The following ELAPOR2 variants were observed in gnomAD, a reference collection of about 807,000 sequenced individuals.
ELAPOR2 encodes endosome-lysosome associated apoptosis and autophagy regulator family member 2, also known as endosome/lysosome-associated apoptosis and autophagy regulator family member 2.
Under a neutral mutation model 120.7 loss-of-function variants are expected in ELAPOR2, and 89 were observed. The ratio of observed to expected loss-of-function variants is 0.74; its 90% CI spans 0.62 to 0.88. The LOEUF is 0.88. Ranked by LOEUF, ELAPOR2 falls within the 40% of genes least tolerant of loss-of-function variation. ELAPOR2 has a pLI of 0.00. For missense variants in ELAPOR2, 1,134 were observed against 1,251.6 expected, an observed-to-expected ratio of 0.91 and a Z score of 1.42; for synonymous variants, 444 against 444.9, an observed-to-expected ratio of 1.00 and a Z score of 0.03.
At chr7:86,985,441 A>G (rs914873936) in intron 1 of ELAPOR2, among the ~76,000 whole-genome samples, 1 of 152,226 alleles carries the variant, frequency 6.6e-6, no homozygotes, top group African/African-American at 2.4e-5. Context: ...AAAATCCTCA[A>G]TAAAATACTG....
At chr7:87,045,964 A>T (rs868478509) in intron 1 of ELAPOR2, among the ~76,000 whole-genome samples, 11 of 152,132 alleles carry the variant, frequency 7.2e-5, no homozygotes, top group South Asian at 2.1e-4. Context: ...GAGCAATCAG[A>T]TAAGAAAAAG....
At chr7:86,886,715 G>T (rs1358858457) in intron 21 of ELAPOR2, among the ~76,000 whole-genome samples, 1 of 152,128 alleles carries the variant, frequency 6.6e-6, no homozygotes, top group African/African-American at 2.4e-5. Flanking sequence ...AGTTGGTCTT[G>T]CCCCAGTGGC....
chr7:86,889,145 A>T (rs1169326304), intron 21 of ELAPOR2, among the ~76,000 whole-genome samples: 1 of 152,114 alleles, frequency 6.6e-6, no homozygotes, highest in African/African-American at 2.4e-5. Context: ...CATTCAGGTC[A>T]ACATCAACTC....
At position 86,925,542 on chromosome 7, in the gene ELAPOR2, C is replaced by A. The variant is rs746738950; in HGVS notation, c.1385G>T (p.Cys462Phe). 21 of 1,611,644 alleles carry A rather than the reference C, an allele frequency of 1.3e-5. No individual in the cohort carries two copies. Among genetic ancestry groups the A allele is most frequent in the Admixed American group, 1.7e-5 (1 of 59,812 alleles). Reference sequence around the variant, plus strand: ...TTTGAACTTACCATTCATTCCATCGCACTTTGAATTCCCAACATTGAAGCA... The same window carrying A: ...TTTGAACTTACCATTCATTCCATCGAACTTTGAATTCCCAACATTGAAGCA... ...TSCFNVGNSK[C>F]DGMNGWEVAG... Residue 462 changes from cysteine to phenylalanine, a missense_variant, in exon 10 of 22, where the codon TGC (cysteine) becomes TTC (phenylalanine). Transcript: ENST00000450689.
intron 1 of ELAPOR2, among the ~76,000 whole-genome samples, chr7:87,024,540 C>T (rs897788243): frequency 1.3e-5 from 2 of 152,078 alleles, no homozygotes; most frequent in African/African-American, 4.8e-5. Context: ...TTTGTTGTCT[C>T]TCTGCCAGGC....
Position 86,918,532 on chromosome 7 carries a change from A to T in ELAPOR2, c.1503T>A (p.Ser501=), listed in dbSNP as rs1392138013. Residue 501 remains serine (S), a synonymous_variant, in exon 12 of 22, where the codon TCT becomes TCA. Transcript: ENST00000450689. ...LHIPGFKPPT[S]MTGATGSELG... ...GTTCAGAACCCGTGGCTCCAGTCAT[A>T]GATGTTGGTGGTCTATTTGACAGAT... is the stretch of plus-strand genomic sequence containing the variant. The T allele has an allele frequency of 6.2e-7, 1 of 1,607,378 alleles. No homozygotes were observed. Among genetic ancestry groups the T allele is most frequent in the East Asian group, 2.2e-5 (1 of 44,804 alleles).
chr7:86,978,562 C>T (rs1416329627), intron 1 of ELAPOR2, among the ~76,000 whole-genome samples: 1 of 152,108 alleles, frequency 6.6e-6, no homozygotes, highest in Non-Finnish European at 1.5e-5. Flanking sequence ...GCTCTCAGGC[C>T]CTTCTCCATG....
intron 21 of ELAPOR2, 142 bp downstream of exon 21, chr7:86,891,582 C>T: frequency 1.6e-6 from 1 of 620,532 alleles, no homozygotes; most frequent in Non-Finnish European, 2.7e-6. Context: ...ATATCATGTG[C>T]TTCTAAGAGT....
intron 2 of ELAPOR2, among the ~76,000 whole-genome samples, chr7:86,961,634 G>A (rs1584398944): frequency 6.6e-6 from 1 of 152,216 alleles, no homozygotes. Flanking sequence ...AAACTGAGAG[G>A]TTCAAGGAAA....
At chr7:87,036,521 T>C (rs1455148034) in intron 1 of ELAPOR2, among the ~76,000 whole-genome samples, 2 of 152,076 alleles carry the variant, frequency 1.3e-5, no homozygotes. Flanking sequence ...AGCAAAGTCA[T>C]GGAAGCAAGC....
intron 1 of ELAPOR2, among the ~76,000 whole-genome samples, chr7:87,038,490 C>T (rs180749252): frequency 2.0e-5 from 3 of 152,082 alleles, no homozygotes; most frequent in Admixed American, 1.3e-4. Flanking sequence ...CTAAGTGACA[C>T]GAAAAATATT....
chr7:87,003,273 C>A (rs1335277048), intron 1 of ELAPOR2, among the ~76,000 whole-genome samples: 4 of 152,084 alleles, frequency 2.6e-5, no homozygotes, highest in Non-Finnish European at 5.9e-5. Flanking sequence ...ATGGTACCAG[C>A]CAAGAACCCC....
intron 1 of ELAPOR2, among the ~76,000 whole-genome samples, chr7:86,994,049 T>C (rs995320499): frequency 2.0e-5 from 3 of 152,264 alleles, no homozygotes; most frequent in Non-Finnish European, 4.4e-5. Context: ...GCAAAACTTA[T>C]ATTCCTGGCC....
intron 1 of ELAPOR2, among the ~76,000 whole-genome samples, chr7:86,971,271 T>C (rs1268635650): frequency 6.6e-6 from 1 of 152,206 alleles, no homozygotes; most frequent in African/African-American, 2.4e-5. Context: ...CTATGTTCCA[T>C]ATTTTCACTG....
In ELAPOR2 at chr7:86,879,622, A is replaced by G. The variant is rs180859170; in HGVS notation, c.*849T>C. On this transcript the variant is annotated 3_prime_UTR_variant, in exon 22 of 22. Transcript: ENST00000450689. The stretch of plus-strand genomic sequence containing the variant: ...GACAAACCTTCTCACTCTCTTCTTC[A>G]TGATTTTGCCAGTGATTTGATTGAC... The G allele has an allele frequency of 6.6e-6, 1 of 152,250 alleles. No individual in the cohort carries two copies. The highest frequency in any genetic ancestry group is 6.5e-5 in the Admixed American group (1 of 15,272). 9.4% of individuals were successfully genotyped at this position (152,250 alleles called of 1,614,324 possible). A position where few individuals can be genotyped will look rare whatever the true frequency, so the allele number is the denominator to read the frequency against.
chr7:86,880,518 G>T lies in ELAPOR2; in HGVS notation c.3043C>A (p.His1015Asn), dbSNP rs760720920. ...KSLATKEKED[H>N]FESVQLKTSR... ...GTTTTCAGTTGAACAGATTCAAAAT[G>T]GTCTTCTTTTTCCTAAGAAAAAATA... Residue 1015 changes from histidine (H) to asparagine (N), a missense_variant, in exon 22 of 22, where the codon CAT (histidine) becomes AAT (asparagine). Physicochemically the swap from His to Asn is moderately conservative, Grantham distance 68 (BLOSUM62 1). This residue lies in a region of ELAPOR2 where 831 missense variants were observed against 867.6 expected (regional missense o/e 0.96). Transcript: ENST00000450689. 5 of 1,603,096 alleles carry T rather than the reference G, an allele frequency of 3.1e-6. No homozygotes were observed. The African/African-American group carries it at 5.4e-5, about 17-fold the overall frequency.
chr7:87,002,469 A>G (rs1793348631), intron 1 of ELAPOR2, among the ~76,000 whole-genome samples: 1 of 152,108 alleles, frequency 6.6e-6, no homozygotes, highest in African/African-American at 2.4e-5. Flanking sequence ...CTCCCTCTAT[A>G]TGAGTGCTTA....
At chr7:86,922,962 A>T (rs1000047375) in intron 10 of ELAPOR2, among the ~76,000 whole-genome samples, 1 of 152,016 alleles carries the variant, frequency 6.6e-6, no homozygotes, top group Non-Finnish European at 1.5e-5. Context: ...AAATTTAAAA[A>T]TAAAGTAATT....
intron 1 of ELAPOR2, among the ~76,000 whole-genome samples, chr7:86,968,059 T>A (rs1791978110): frequency 6.6e-6 from 1 of 152,156 alleles, no homozygotes; most frequent in African/African-American, 2.4e-5. Flanking sequence ...CTAAAGTCAA[T>A]CCTTAAATCC....
Sources: gnomAD v4.1 joint callset for allele counts (sites outside exome capture counted in the v4.1 genomes callset) on GRCh38, gnomAD v4.1.1 for gene constraint, gnomAD v4.1.1 regional missense constraint, MANE v1.5 for transcripts, NCBI Gene and HGNC (gene_info 2026-07-23, HGNC 2026-07-21) for gene names.